CIZ1: variants seen among roughly 807,000 people sequenced by gnomAD.
CIZ1 encodes CDKN1A interacting zinc finger protein 1.
A neutral mutation model predicts 118.6 loss-of-function variants in CIZ1; 58 were observed. That is an observed-to-expected ratio of 0.49 (90% CI 0.40 to 0.61). The LOEUF is 0.61. Among genes scored for constraint, CIZ1 ranks in the 20% least tolerant of loss-of-function variants. The pLI is 0.00. For synonymous variants in CIZ1, 448 were observed against 443.4 expected, an observed-to-expected ratio of 1.01 and a Z score of -0.13; for missense variants, 921 against 1,115.9, an observed-to-expected ratio of 0.83 and a Z score of 2.49.
In CIZ1 at chr9:128,177,550, T is replaced by TAAA; in HGVS notation, c.1818+15_1818+16insTTT. ...CAGGCCCCACCCCTCCCCACCCTTA[T>TAAA]CTCCTGTATCAGTACCTGCTGGCTG... On this transcript the variant is annotated intron_variant, in intron 10 of 16. Coordinates refer to ENST00000372938, the MANE Select transcript of CIZ1 (RefSeq NM_001131016.2). 1.2e-5 allele frequency: 5 copies of TAAA among 428,710 alleles called. No homozygotes were observed. Among genetic ancestry groups the TAAA allele is most frequent in the Non-Finnish European group, 2.2e-5 (5 of 230,050 alleles). The allele number at this position is 428,710 out of a possible 1,614,324, so 26.6% of individuals were successfully genotyped here.
chr9:128,172,819 G>A (rs1163010118), intron 11 of CIZ1, among the ~76,000 whole-genome samples: 2 of 151,932 alleles, frequency 1.3e-5, no homozygotes, highest in Non-Finnish European at 2.9e-5. Context: ...TTTTCAAAAC[G>A]TTATATAATG....
chr9:128,166,427 T>G lies in CIZ1; in HGVS notation c.2488-21A>C, dbSNP rs1588099004. 6.7e-7 allele frequency: 1 copy of G among 1,500,966 alleles called. No homozygotes were observed. The highest frequency in any genetic ancestry group is 9.0e-7 in the Non-Finnish European group (1 of 1,115,682). The allele number at this position is 1,500,966 out of a possible 1,614,324, so 93.0% of individuals were successfully genotyped here. A position where few individuals can be genotyped will look rare whatever the true frequency, so the allele number is the denominator to read the frequency against. On this transcript the variant is annotated intron_variant, in intron 16 of 16. Transcript: ENST00000372938. The surrounding 1 kb of genome is among the most constrained non-coding windows in gnomAD (Gnocchi z 4.4). ...TATTTCTGGATACAGAAGGTGCAGG[T>G]AAGGTCAGGGTCTCCTCCCTACATG...
chr9:128,183,721 G>T (rs983538450), intron 5 of CIZ1, among the ~76,000 whole-genome samples: 1 of 152,070 alleles, frequency 6.6e-6, no homozygotes, highest in African/African-American at 2.4e-5. Flanking sequence ...TTATAGCATT[G>T]TTCTACCCTA....
chr9:128,199,784 C>CTTTTTTT (rs34269035), intron 1 of CIZ1: 1 of 128,688 alleles, frequency 7.8e-6, no homozygotes, highest in South Asian at 2.4e-4. Context: ...TTCTTTCTTT[C>CTTTTTTT]TTTTTTTTTT....
At chr9:128,192,486 C>A (rs1390948577), upstream of CIZ1, among the ~76,000 whole-genome samples, 1 of 152,080 alleles carries the variant, frequency 6.6e-6, no homozygotes, top group African/African-American at 2.4e-5. Flanking sequence ...CTGTATCCCC[C>A]CATCCCCGCG....
At chr9:128,168,528 GAAAA>G (rs530396817) in intron 14 of CIZ1, among the ~76,000 whole-genome samples, 1 of 119,324 alleles carries the variant, frequency 8.4e-6, no homozygotes, top group Non-Finnish European at 1.8e-5. Flanking sequence ...AAAAAAAAAA[GAAAA>G]AAAAAAAAAA....
chr9:128,184,373 G>C (rs1832080000), intron 5 of CIZ1, among the ~76,000 whole-genome samples: 1 of 152,010 alleles, frequency 6.6e-6, no homozygotes, highest in African/African-American at 2.4e-5. Flanking sequence ...TATGGGATTG[G>C]GTTAAATAAG....
chr9:128,191,265 G>A lies in CIZ1; in HGVS notation c.-6+167C>T. On this transcript the variant is annotated intron_variant, in intron 1 of 16. Transcript: ENST00000372938. This position sits in a 1 kb window ranked among gnomAD's most constrained non-coding sequence, Gnocchi z 5.5. ...CCGGGTGTCAATAACATCGGCACCC[G>A]TCCAACCCGGTCACCGTGGTCCTGA... 1 of 225,208 alleles carries A rather than the reference G, an allele frequency of 4.4e-6. No homozygotes were observed. The highest frequency in any genetic ancestry group is 8.4e-6 in the Non-Finnish European group (1 of 118,622). 14.0% of individuals were successfully genotyped at this position (225,208 alleles called of 1,614,324 possible).
upstream of CIZ1, among the ~76,000 whole-genome samples, chr9:128,196,246 G>A (rs1833375138): frequency 6.6e-6 from 1 of 152,076 alleles, no homozygotes; most frequent in African/African-American, 2.4e-5. Flanking sequence ...CCGTTTTTCA[G>A]TTTAAGAAGG....
At chr9:128,171,445 G>C (rs1830105936) in intron 11 of CIZ1, among the ~76,000 whole-genome samples, 1 of 151,178 alleles carries the variant, frequency 6.6e-6, no homozygotes, top group Non-Finnish European at 1.5e-5. Context: ...AAATAAAATA[G>C]GGCCGGGCAC....
chr9:128,172,215 G>A lies in CIZ1; in HGVS notation c.1944-2108C>T, dbSNP rs139667436. The stretch of plus-strand genomic sequence containing the variant: ...GCCAAATACATGTAAAACCCTGGCT[G>A]GGCATGGTGGCTCACGCCTGTAATC... On this transcript the variant is annotated intron_variant, in intron 11 of 16. Coordinates refer to ENST00000372938, the MANE Select transcript of CIZ1 (RefSeq NM_001131016.2). Among the ~76,000 whole-genome samples, 1,251 of 150,476 alleles carry A rather than the reference G, an allele frequency of 8.3e-3. 15 individuals are homozygous for A. The highest frequency in any genetic ancestry group is 0.021 in the South Asian group (101 of 4,736).
rs1829797207 is a variant in CIZ1, at chr9:128,169,041, C to T, written c.2295+11G>A. 8 of 1,613,624 alleles carry T rather than the reference C, an allele frequency of 5.0e-6. No homozygotes were observed. The South Asian group carries it at 7.7e-5, about 16-fold the overall frequency. On this transcript the variant is annotated intron_variant, in intron 14 of 16. Transcript: ENST00000372938. ...GCACCAAGCCCGCCTCCCACACCCTCCCCCCAGCACCTGCTTGCAGAGTTC... is the reference window on the plus strand; with the variant it reads ...GCACCAAGCCCGCCTCCCACACCCTTCCCCCAGCACCTGCTTGCAGAGTTC...
chr9:128,194,449 A>C (rs1833327292), upstream of CIZ1, among the ~76,000 whole-genome samples: 1 of 152,016 alleles, frequency 6.6e-6, no homozygotes, highest in Non-Finnish European at 1.5e-5. Context: ...CTAAGAAAAT[A>C]ATCAGAAATG....
chr9:128,180,289 G>A (rs1831408705), intron 7 of CIZ1, 126 bp downstream of exon 7: 1 of 700,482 alleles, frequency 1.4e-6, no homozygotes, highest in Admixed American at 2.5e-5. Context: ...CAAATCAGAG[G>A]CCAAGGCCCT....
intron 1 of CIZ1, among the ~76,000 whole-genome samples, chr9:128,200,533 C>G (rs1833486226): frequency 6.6e-6 from 1 of 151,790 alleles, no homozygotes; most frequent in Non-Finnish European, 1.5e-5. Context: ...TGGCGAGCAC[C>G]TGTAATCCCA....
chr9:128,178,983 C>A lies in CIZ1; in HGVS notation c.1224G>T (p.Gln408His), dbSNP rs1378493068. 3 of 1,612,878 alleles carry A rather than the reference C, an allele frequency of 1.9e-6. No individual in the cohort carries two copies. The highest frequency in any genetic ancestry group is 3.3e-5 in the Admixed American group (2 of 60,002). Residue 408 changes from glutamine (Q) to histidine (H), a missense_variant, in exon 8 of 17, where the codon CAG (glutamine) becomes CAT (histidine). By Grantham distance (24) the Gln-to-His change is conservative. Transcript: ENST00000372938. ...EPLKQVQPQVQPQAHSQPPRQ... is the reference protein window; with the variant it reads ...EPLKQVQPQVHPQAHSQPPRQ... ...TTGGGGGCTGTGAATGTGCCTGGGG[C>A]TGCACCTGTGGCTGCACCTGCTTCA...
intron 13 of CIZ1, 61 bp downstream of exon 13, chr9:128,169,345 C>A (rs1457644088): frequency 2.1e-6 from 3 of 1,449,582 alleles, no homozygotes; most frequent in Non-Finnish European, 2.9e-6. Context: ...ACTTGCTACA[C>A]AGCCTTGGCC....
At chr9:128,174,935 G>C (rs1471925486) in intron 11 of CIZ1, among the ~76,000 whole-genome samples, 1 of 152,228 alleles carries the variant, frequency 6.6e-6, no homozygotes, top group Non-Finnish European at 1.5e-5. Flanking sequence ...TAGGATTACA[G>C]GCCTGAGCCA....
At chr9:128,191,695 C>A, upstream of CIZ1, 1 of 1,294,910 alleles carries the variant, frequency 7.7e-7, no homozygotes, top group Non-Finnish European at 9.8e-7. This position sits in a 1 kb window ranked among gnomAD's most constrained non-coding sequence, Gnocchi z 5.5. Flanking sequence ...GGCTGCGGGG[C>A]GCTAGCAGGT....
Sources: allele counts gnomAD v4.1 joint callset (sites outside exome capture counted in the v4.1 genomes callset), GRCh38; gene constraint gnomAD v4.1.1; non-coding constraint Gnocchi (gnomAD v3.1); transcripts MANE v1.5; gene names NCBI Gene and HGNC (gene_info 2026-07-23, HGNC 2026-07-21).